Variants in HEPHL1 observed in about 807,000 individuals in gnomAD.
The protein encoded by HEPHL1 is hephaestin like 1.
A neutral mutation model predicts 122.0 loss-of-function variants in HEPHL1; 123 were observed. The ratio of observed to expected loss-of-function variants is 1.01; its 90% CI spans 0.87 to 1.17. The LOEUF is 1.17. Among genes scored for constraint, HEPHL1 ranks in the 50% most tolerant of loss-of-function variants. The probability of loss-of-function intolerance (pLI) is 0.00; values close to 1 mark genes in which losing one functional copy is unlikely to be tolerated. For missense variants in HEPHL1, 1,452 were observed against 1,430.5 expected (o/e 1.01, Z -0.24); for synonymous variants, 527 against 508.9 (o/e 1.04, Z -0.48).
At chr11:94,082,643 AATTAT>A in intron 10 of HEPHL1, 75 bp downstream of exon 10, 1 of 1,386,590 alleles carries the variant, frequency 7.2e-7, no homozygotes, top group South Asian at 1.4e-5. Context: ...GGTGTGTTTG[AATTAT>A]ATTAATTTTG....
chr11:94,072,988 G>C (rs1272031839), intron 6 of HEPHL1, 37 bp from the exon 7 acceptor site: 1 of 1,593,962 alleles, frequency 6.3e-7, no homozygotes, highest in Non-Finnish European at 8.6e-7. Context: ...TGGATATGTT[G>C]AGAAGTGTCC....
intron 5 of HEPHL1, among the ~76,000 whole-genome samples, chr11:94,068,254 A>C (rs1338771882): frequency 6.6e-6 from 1 of 152,186 alleles, no homozygotes; most frequent in African/African-American, 2.4e-5. Flanking sequence ...TAGAGTAATA[A>C]GGTTTTAGCA....
chr11:94,056,054 G>T, intron 2 of HEPHL1: 1 of 466,520 alleles, frequency 2.1e-6, no homozygotes, highest in Non-Finnish European at 3.7e-6. Context: ...CCTGTATTTT[G>T]ATGCATTTTT....
chr11:94,062,755 C>A (rs563612076), intron 2 of HEPHL1, among the ~76,000 whole-genome samples: 1 of 152,052 alleles, frequency 6.6e-6, no homozygotes, highest in East Asian at 1.9e-4. Context: ...GGTCTCTGTC[C>A]TTTTAGCCAG....
In HEPHL1 at chr11:94,088,768, G is replaced by A. The variant is rs1946238574; in HGVS notation, c.2094G>A (p.Val698=). The part of the protein sequence containing the change: ...MQPDHAGIFR[V]FCATMPHLSR... ...TTTCTCTTGCAGGTATTTTTAGGGTGTTTTGTGCCACCATGCCCCACCTCT... is the reference window on the plus strand; with the variant it reads ...TTTCTCTTGCAGGTATTTTTAGGGTATTTTGTGCCACCATGCCCCACCTCT... Residue 698 remains valine, a synonymous_variant, in exon 12 of 20, where the codon GTG becomes GTA. Coordinates refer to ENST00000315765, the MANE Select transcript of HEPHL1 (RefSeq NM_001098672.2). 6.2e-7 allele frequency: 1 copy of A among 1,613,346 alleles called. No individual in the cohort carries two copies. Among genetic ancestry groups the A allele is most frequent in the Non-Finnish European group, 8.5e-7 (1 of 1,179,604 alleles).
chr11:94,100,565 C>T (rs10765654), intron 13 of HEPHL1, among the ~76,000 whole-genome samples: 78,703 of 152,110 alleles, frequency 0.52, 20,805 homozygotes, highest in Admixed American at 0.59. Flanking sequence ...GTTAGATGTG[C>T]ATTTGTGAAG....
In HEPHL1 at chr11:94,064,395, T is replaced by A; in HGVS notation, c.693T>A (p.Thr231=). Residue 231 remains threonine, a synonymous_variant, in exon 4 of 20, where the codon ACT becomes ACA. Transcript: ENST00000315765. ...ATCGAGAGTTTGTTATAATGTTTAC[T>A]CTTGTGGATGAGAATCAAAGCTGGT... The part of the protein sequence containing the change: ...DVDREFVIMF[T]LVDENQSWYL... The A allele has an allele frequency of 6.2e-7, 1 of 1,613,246 alleles. No homozygotes were observed. Among genetic ancestry groups the A allele is most frequent in the Non-Finnish European group, 8.5e-7 (1 of 1,179,290 alleles).
intron 13 of HEPHL1, among the ~76,000 whole-genome samples, chr11:94,097,048 T>C (rs1360682797): frequency 6.6e-6 from 1 of 152,238 alleles, no homozygotes; most frequent in Non-Finnish European, 1.5e-5. Flanking sequence ...AGTTATTTCT[T>C]GCCTTCTGCT....
In HEPHL1 at chr11:94,045,611, T is replaced by A. The variant is rs75150915; in HGVS notation, c.171-62T>A. ...CATGCAATACTTTATAAACTCCTAGTGGTAAGCTATTAGGTCTTCTCTTTT... is the reference window on the plus strand; with the variant it reads ...CATGCAATACTTTATAAACTCCTAGAGGTAAGCTATTAGGTCTTCTCTTTT... On this transcript the variant is annotated intron_variant, in intron 1 of 19. Transcript: ENST00000315765. 2,647 of 1,399,906 alleles carry A rather than the reference T, an allele frequency of 1.9e-3. 47 individuals are homozygous for A. In the African/African-American group the frequency reaches 0.034, roughly 18 times the overall value. 86.7% of individuals were successfully genotyped at this position (1,399,906 alleles called of 1,614,324 possible).
chr11:94,093,969 C>CAGATAGATAGATAT (rs1382570113), intron 13 of HEPHL1, among the ~76,000 whole-genome samples: 2 of 50,716 alleles, frequency 3.9e-5, no homozygotes, highest in Non-Finnish European at 8.0e-5. Flanking sequence ...AATCCTCCAG[C>CAGATAGATAGATAT]AGATATATAT....
intron 4 of HEPHL1, among the ~76,000 whole-genome samples, chr11:94,064,777 A>G (rs1946020043): frequency 6.6e-6 from 1 of 152,160 alleles, no homozygotes; most frequent in Non-Finnish European, 1.5e-5. Context: ...TCGATGTTAT[A>G]TTGTAATTGG....
At chr11:94,100,098 G>A (rs556360264) in intron 13 of HEPHL1, among the ~76,000 whole-genome samples, 21 of 152,126 alleles carry the variant, frequency 1.4e-4, no homozygotes, top group East Asian at 3.8e-4. Context: ...TGTCTTCTGC[G>A]TCGCTCACAC....
At chr11:94,042,884 A>AAAAACAAAAAACAAAC (rs1555058791) in intron 1 of HEPHL1, among the ~76,000 whole-genome samples, 8 of 31,130 alleles carry the variant, frequency 2.6e-4, no homozygotes, top group South Asian at 2.2e-3. Flanking sequence ...ATAAAAAAAA[A>AAAAACAAAAAACAAAC]AAAAAAAAAC....
At chr11:94,070,884 A>T (rs1946069336) in intron 6 of HEPHL1, among the ~76,000 whole-genome samples, 1 of 152,150 alleles carries the variant, frequency 6.6e-6, no homozygotes, top group Non-Finnish European at 1.5e-5. Context: ...CATATGGAGC[A>T]GACAGTCTTG....
chr11:94,051,830 G>C (rs190233695), intron 2 of HEPHL1, among the ~76,000 whole-genome samples: 3 of 152,158 alleles, frequency 2.0e-5, no homozygotes, highest in Admixed American at 1.3e-4. Context: ...GTGAGAGATA[G>C]GAGTCTAGTT....
At chr11:94,056,090 T>A (rs1342482644) in intron 2 of HEPHL1, 2 of 316,550 alleles carry the variant, frequency 6.3e-6, no homozygotes, top group Admixed American at 1.0e-4. Context: ...ATTTATAATG[T>A]TATATTTTCC....
intron 9 of HEPHL1, among the ~76,000 whole-genome samples, chr11:94,077,978 C>G (rs1280659503): frequency 1.3e-5 from 2 of 152,160 alleles, no homozygotes; most frequent in Non-Finnish European, 2.9e-5. Context: ...CTATCACTTA[C>G]CACCATAAGA....
intron 2 of HEPHL1, among the ~76,000 whole-genome samples, chr11:94,057,321 G>T (rs1347801479): frequency 1.3e-5 from 2 of 151,796 alleles, no homozygotes; most frequent in Non-Finnish European, 2.9e-5. Context: ...GGAAATTTTT[G>T]GCCATTATTT....
chr11:94,039,414 A>G (rs1348062747), intron 1 of HEPHL1, among the ~76,000 whole-genome samples: 2 of 152,070 alleles, frequency 1.3e-5, no homozygotes, highest in African/African-American at 4.8e-5. Flanking sequence ...TCAACAGAAT[A>G]TACATTTTTT....
Sources: allele counts gnomAD v4.1 joint callset (sites outside exome capture counted in the v4.1 genomes callset), GRCh38; gene constraint gnomAD v4.1.1; transcripts MANE v1.5; gene names NCBI Gene and HGNC (gene_info 2026-07-23, HGNC 2026-07-21).